Variants in ZNF385B observed in about 807,000 individuals in gnomAD.
ZNF385B encodes zinc finger protein 385B.
A neutral mutation model predicts 39.2 loss-of-function variants in ZNF385B; 23 were observed. The ratio of observed to expected loss-of-function variants is 0.59; its 90% CI spans 0.42 to 0.83. The LOEUF is 0.83. Ranked by LOEUF, ZNF385B falls within the 40% of genes least tolerant of loss-of-function variation. The probability of loss-of-function intolerance (pLI) is 0.00; values close to 1 mark genes in which losing one functional copy is unlikely to be tolerated. For missense variants in ZNF385B, 552 were observed against 598.9 expected, an observed-to-expected ratio of 0.92 and a Z score of 0.82; for synonymous variants, 205 against 222.6, an observed-to-expected ratio of 0.92 and a Z score of 0.70.
intron 1 of ZNF385B, among the ~76,000 whole-genome samples, chr2:179,826,044 T>C (rs976207628): frequency 6.6e-6 from 1 of 152,118 alleles, no homozygotes; most frequent in East Asian, 1.9e-4. Context: ...CCTTTTTACA[T>C]CACCTCTGTG....
intron 3 of ZNF385B, among the ~76,000 whole-genome samples, chr2:179,634,357 G>GA (rs951524440): frequency 1.1e-4 from 17 of 150,708 alleles, no homozygotes; most frequent in East Asian, 3.9e-4. Flanking sequence ...AAATTTACAA[G>GA]AAAAAAAAAT....
chr2:179,523,005 C>A, intron 4 of ZNF385B: 1 of 305,896 alleles, frequency 3.3e-6, no homozygotes, highest in South Asian at 2.9e-5. Flanking sequence ...ACCCATTTTC[C>A]TTGCTTTTCT....
chr2:179,611,520 TTGAC>T (rs1332111585), intron 3 of ZNF385B, among the ~76,000 whole-genome samples: 1 of 152,230 alleles, frequency 6.6e-6, no homozygotes, highest in Non-Finnish European at 1.5e-5. Context: ...TGATGTGTCT[TTGAC>T]TGGTTTTTGT....
At chr2:179,790,172 T>C (rs1400562812) in intron 1 of ZNF385B, among the ~76,000 whole-genome samples, 3 of 152,190 alleles carry the variant, frequency 2.0e-5, no homozygotes, top group African/African-American at 7.2e-5. Context: ...TTCCTTCCAT[T>C]CTTACACTAA....
At chr2:179,756,453 T>C (rs1457089004) in intron 3 of ZNF385B, among the ~76,000 whole-genome samples, 1 of 152,172 alleles carries the variant, frequency 6.6e-6, no homozygotes, top group Non-Finnish European at 1.5e-5. Context: ...GACAATTATG[T>C]GTCTTGGAGT....
At chr2:179,477,962 T>C (rs2053604513) in intron 6 of ZNF385B, among the ~76,000 whole-genome samples, 1 of 152,234 alleles carries the variant, frequency 6.6e-6, no homozygotes, top group Non-Finnish European at 1.5e-5. Flanking sequence ...ATGGTCCTAC[T>C]CATCAATTAT....
chr2:179,704,554 A>G (rs2106371036), intron 3 of ZNF385B, among the ~76,000 whole-genome samples: 1 of 152,382 alleles, frequency 6.6e-6, no homozygotes, highest in East Asian at 1.9e-4. Context: ...ACACCATGAC[A>G]GTGAATCCAG....
chr2:179,557,098 T>A (rs560478566), intron 3 of ZNF385B, among the ~76,000 whole-genome samples: 1 of 149,458 alleles, frequency 6.7e-6, no homozygotes, highest in South Asian at 2.2e-4. Context: ...TCATTTTGTA[T>A]AACAAAAATG....
At chr2:179,533,464 C>T (rs6719814) in intron 4 of ZNF385B, among the ~76,000 whole-genome samples, 1 of 152,108 alleles carries the variant, frequency 6.6e-6, no homozygotes, top group Non-Finnish European at 1.5e-5. Flanking sequence ...CCCTTGAGGT[C>T]TATATAATAC....
At chr2:179,777,967 C>T (rs1418400445) in intron 1 of ZNF385B, among the ~76,000 whole-genome samples, 1 of 151,962 alleles carries the variant, frequency 6.6e-6, no homozygotes, top group African/African-American at 2.4e-5. Context: ...GAGACGGCTT[C>T]ACCATGTTGT....
intron 5 of ZNF385B, among the ~76,000 whole-genome samples, chr2:179,493,717 A>ATATGTG (rs2055696193): frequency 7.5e-6 from 1 of 133,070 alleles, no homozygotes; most frequent in South Asian, 2.4e-4. Flanking sequence ...ACACATATGC[A>ATATGTG]TATACGTATA....
chr2:179,765,194 T>C (rs751838085), intron 3 of ZNF385B, among the ~76,000 whole-genome samples: 3 of 152,204 alleles, frequency 2.0e-5, no homozygotes, highest in Non-Finnish European at 4.4e-5. Context: ...TTCTTTCCAT[T>C]GTTCTTTCTT....
At chr2:179,565,994 A>C (rs546164423) in intron 3 of ZNF385B, among the ~76,000 whole-genome samples, 7 of 152,184 alleles carry the variant, frequency 4.6e-5, no homozygotes, top group Non-Finnish European at 1.0e-4. Context: ...TGGCTTAGAG[A>C]CCAGACTTAA....
rs1699047291 is a variant in ZNF385B, at chr2:179,699,883, G to A, written c.298+69620C>T. ...ACTTAAGAAATAAACGAGGAAGAAA[G>A]AGTTGCTCATAAATGTCAGATTGTT... On this transcript the variant is annotated intron_variant, in intron 3 of 9. Coordinates refer to ENST00000410066, the MANE Select transcript of ZNF385B (RefSeq NM_152520.6). 2.6e-5 allele frequency among the ~76,000 whole-genome samples: 4 copies of A among 152,306 alleles called. 1 individual carries two copies. The South Asian group carries it at 8.3e-4, about 32-fold the overall frequency.
chr2:179,853,918 G>A (rs917731878), intron 1 of ZNF385B, among the ~76,000 whole-genome samples: 4 of 152,142 alleles, frequency 2.6e-5, no homozygotes, highest in African/African-American at 9.6e-5. Flanking sequence ...AACCAAACTC[G>A]ACATTTAGGC....
intron 1 of ZNF385B, among the ~76,000 whole-genome samples, chr2:179,843,464 T>C (rs1708646621): frequency 6.6e-6 from 1 of 152,236 alleles, no homozygotes; most frequent in African/African-American, 2.4e-5. Flanking sequence ...CACATCTATA[T>C]AGAAGCATTA....
intron 3 of ZNF385B, among the ~76,000 whole-genome samples, chr2:179,579,812 A>G (rs932853260): frequency 1.3e-5 from 2 of 152,138 alleles, no homozygotes; most frequent in African/African-American, 2.4e-5. Flanking sequence ...TGTTATTTCT[A>G]TGCATTATAT....
intron 3 of ZNF385B, among the ~76,000 whole-genome samples, chr2:179,681,805 C>T (rs1221380243): frequency 6.6e-6 from 1 of 152,136 alleles, no homozygotes; most frequent in African/African-American, 2.4e-5. Flanking sequence ...GTGGCACAAA[C>T]TTTATGGAAG....
At chr2:179,584,021 A>G (rs1574901442) in intron 3 of ZNF385B, 1 of 1,054,718 alleles carries the variant, frequency 9.5e-7, no homozygotes, top group Non-Finnish European at 1.3e-6. Flanking sequence ...TTGTGTACAC[A>G]TTGTTGAAGA....
Sources: gnomAD v4.1 joint callset for allele counts (sites outside exome capture counted in the v4.1 genomes callset) on GRCh38, gnomAD v4.1.1 for gene constraint, MANE v1.5 for transcripts, NCBI Gene and HGNC (gene_info 2026-07-23, HGNC 2026-07-21) for gene names.